Variants in ECT2 observed in about 807,000 individuals in gnomAD.
ECT2 encodes the protein epithelial cell transforming 2, also known as protein ECT2.
Under a neutral mutation model 116.9 loss-of-function variants are expected in ECT2, and 61 were observed. The observed-to-expected ratio is 0.52, with a 90% CI of 0.42 to 0.65. ECT2 has a LOEUF of 0.65. ECT2 is among the 30% of genes least tolerant of loss of function. The pLI is 0.00. For synonymous variants in ECT2, 358 were observed against 346.4 expected (o/e 1.03, Z -0.37); for missense variants, 937 against 1,078.7 (o/e 0.87, Z 1.84).
At chr3:172,761,542 A>T in intron 7 of ECT2, 68 bp from the exon 8 acceptor site, 1 of 1,082,794 alleles carries the variant, frequency 9.2e-7, no homozygotes, top group Non-Finnish European at 1.4e-6. Flanking sequence ...TAAGTATGTT[A>T]ACTGTTTAGA....
chr3:172,757,228 CAA>C, intron 5 of ECT2, 63 bp downstream of exon 5: 1 of 1,233,404 alleles, frequency 8.1e-7, no homozygotes, highest in Non-Finnish European at 1.1e-6. Context: ...TTTTAATTAG[CAA>C]AAAATTTATT....
In ECT2 at chr3:172,799,192, C is replaced by A. The variant is rs912611729; in HGVS notation, c.1908-3424C>A. 5.9e-5 allele frequency among the ~76,000 whole-genome samples: 9 copies of A among 152,148 alleles called. 1 individual carries two copies. The highest frequency in any genetic ancestry group is 1.5e-5 in the Non-Finnish European group (1 of 68,018). ...ATTCTTCCAGATTTCTCCAATCCAG[C>A]TGTCTTCCATAAAATTGCTAAAAAT... On this transcript the variant is annotated intron_variant, in intron 18 of 24. Coordinates refer to ENST00000392692, the MANE Select transcript of ECT2 (RefSeq NM_001258315.2).
At position 172,816,555 on chromosome 3, in the gene ECT2, TGC is replaced by T. The variant is rs1445485195; in HGVS notation, c.2509-135_2509-134del. On this transcript the variant is annotated intron_variant, in intron 23 of 24. Coordinates refer to ENST00000392692, the MANE Select transcript of ECT2 (RefSeq NM_001258315.2). ...GTCTACAAATTTCCTCACTGTTTTG[TGC>T]CAAAGAGATTCTAATCCTGCCACAT... 9.8e-6 allele frequency: 6 copies of T among 609,430 alleles called. No homozygotes were observed. In the African/African-American group the frequency reaches 1.1e-4, roughly 12 times the overall value. 37.8% of individuals were successfully genotyped at this position (609,430 alleles called of 1,614,324 possible). A position where few individuals can be genotyped will look rare whatever the true frequency, so the allele number is the denominator to read the frequency against.
chr3:172,826,352 G>A (rs1730842992), downstream of ECT2, among the ~76,000 whole-genome samples: 1 of 152,172 alleles, frequency 6.6e-6, no homozygotes, highest in Non-Finnish European at 1.5e-5. Flanking sequence ...ATCCTAAATA[G>A]ACTTTGCTTG....
intron 22 of ECT2, among the ~76,000 whole-genome samples, chr3:172,810,041 A>T (rs1414702742): frequency 6.6e-6 from 1 of 152,190 alleles, no homozygotes; most frequent in East Asian, 1.9e-4. Flanking sequence ...GTCTCTTGCC[A>T]ACATGTAACC....
At chr3:172,779,547 T>A (rs190672840) in intron 14 of ECT2, among the ~76,000 whole-genome samples, 6 of 152,354 alleles carry the variant, frequency 3.9e-5, no homozygotes, top group Admixed American at 3.9e-4. Context: ...TTATTTAACA[T>A]GTATTATTTT....
chr3:172,800,825 A>G (rs1278986894), intron 18 of ECT2, among the ~76,000 whole-genome samples: 1 of 152,122 alleles, frequency 6.6e-6, no homozygotes, highest in Non-Finnish European at 1.5e-5. Context: ...TATATATCAC[A>G]TACATTATTA....
intron 18 of ECT2, among the ~76,000 whole-genome samples, chr3:172,794,747 C>T (rs182036991): frequency 7.8e-4 from 118 of 152,242 alleles, no homozygotes; most frequent in Non-Finnish European, 1.4e-3. Flanking sequence ...AACGGAGTCT[C>T]AGTGTCACCC....
At chr3:172,818,631 C>A (rs1577056689) in intron 24 of ECT2, 3 of 1,289,084 alleles carry the variant, frequency 2.3e-6, no homozygotes, top group Non-Finnish European at 3.0e-6. Flanking sequence ...CTGGTGGGCG[C>A]TCTCAGTACT....
At chr3:172,752,993 G>A (rs1716218232) in intron 1 of ECT2, among the ~76,000 whole-genome samples, 1 of 152,170 alleles carries the variant, frequency 6.6e-6, no homozygotes, top group African/African-American at 2.4e-5. Flanking sequence ...GGGAAAGTCT[G>A]ACATGTAGCT....
rs759410139 is a variant in ECT2 at position 172,757,028 on chromosome 3, G to A, written c.349G>A (p.Glu117Lys). ...AAAGATGGAGTCAGTGGAAGAATTT[G>A]AAGGTTTGGATTCTCCGGAATTTGA... The part of the protein sequence containing the change: ...FVKMESVEEF[E>K]GLDSPEFENV... Residue 117 changes from glutamate to lysine, a missense_variant, in exon 5 of 25, where the codon GAA becomes AAA. Coordinates refer to ENST00000392692, the MANE Select transcript of ECT2 (RefSeq NM_001258315.2). The A allele has an allele frequency of 1.2e-6, 2 of 1,609,706 alleles. No individual in the cohort carries two copies. Among genetic ancestry groups the A allele is most frequent in the Non-Finnish European group, 1.7e-6 (2 of 1,178,818 alleles).
chr3:172,785,400 T>C (rs1256281816), intron 17 of ECT2, among the ~76,000 whole-genome samples: 1 of 152,048 alleles, frequency 6.6e-6, no homozygotes, highest in Non-Finnish European at 1.5e-5. Context: ...TTATTCTTAA[T>C]TAAGTATGAA....
At chr3:172,752,131 G>GTTTTTT (rs1290934283) in intron 1 of ECT2, 1 of 140,038 alleles carries the variant, frequency 7.1e-6, no homozygotes, top group Non-Finnish European at 1.6e-5. Flanking sequence ...TTTTCAAGAA[G>GTTTTTT]TTTTTTTTTT....
chr3:172,794,820 T>A (rs987545349), intron 18 of ECT2, among the ~76,000 whole-genome samples: 2 of 152,078 alleles, frequency 1.3e-5, no homozygotes, highest in African/African-American at 4.8e-5. Flanking sequence ...GTTCAAGTGA[T>A]TCCCCAGCGT....
intron 18 of ECT2, among the ~76,000 whole-genome samples, chr3:172,797,018 C>CTGTGTGTGTGTGTGCGTGTGTGTGTG (rs1725781190): frequency 7.2e-6 from 1 of 139,032 alleles, no homozygotes; most frequent in African/African-American, 2.7e-5. Context: ...TCAGGTTCAA[C>CTGTGTGTGTGTGTGCGTGTGTGTGTG]TGTGTGTGTG....
intron 18 of ECT2, among the ~76,000 whole-genome samples, chr3:172,797,589 A>G (rs942940369): frequency 2.0e-5 from 3 of 152,140 alleles, no homozygotes; most frequent in African/African-American, 7.2e-5. Flanking sequence ...TTACTGTGTA[A>G]CATTGTTCCT....
At chr3:172,829,074 T>G in the ECT2 span, 1 of 706,156 alleles carries the variant, frequency 1.4e-6, no homozygotes, top group Non-Finnish European at 2.6e-6. Context: ...ATGAACTCTC[T>G]GGGCTATTCA....
At chr3:172,828,758 G>T in the ECT2 span, 5 of 600,622 alleles carry the variant, frequency 8.3e-6, no homozygotes, top group South Asian at 8.8e-5. Context: ...TGAGGAAGGT[G>T]ACCATCAAAC....
At chr3:172,795,332 A>G (rs968342447) in intron 18 of ECT2, among the ~76,000 whole-genome samples, 45 of 152,018 alleles carry the variant, frequency 3.0e-4, no homozygotes, top group Admixed American at 8.5e-4. Flanking sequence ...TCAAAAAAAA[A>G]AAAAAAAAAA....
Sources: gnomAD v4.1 joint callset for allele counts (sites outside exome capture counted in the v4.1 genomes callset) on GRCh38, gnomAD v4.1.1 for gene constraint, MANE v1.5 for transcripts, NCBI Gene and HGNC (gene_info 2026-07-23, HGNC 2026-07-21) for gene names.